ITGA5: variants seen among roughly 807,000 people sequenced by gnomAD.
ITGA5 encodes integrin subunit alpha 5.
Under a neutral mutation model 146.3 loss-of-function variants are expected in ITGA5, and 55 were observed. The observed-to-expected ratio is 0.38, with a 90% confidence interval of 0.30 to 0.47. ITGA5 has a LOEUF of 0.47. Ranked by LOEUF, ITGA5 falls within the 20% of genes least tolerant of loss-of-function variation. ITGA5 has a pLI of 0.99. For synonymous variants in ITGA5, 500 were observed against 531.8 expected, an observed-to-expected ratio of 0.94 and a Z score of 0.82; for missense variants, 1,131 against 1,329.0, an observed-to-expected ratio of 0.85 and a Z score of 2.32.
chr12:54,398,894 C>T, intron 27 of ITGA5, 196 bp from the exon 28 acceptor site: 1 of 473,134 alleles, frequency 2.1e-6, no homozygotes, highest in Non-Finnish European at 3.6e-6. Context: ...GGCTGGAGTG[C>T]AGTGGTGTGG....
At position 54,398,046 on chromosome 12, in the gene ITGA5, C is replaced by T. The variant is rs191926059; in HGVS notation, c.2943+551G>A. 2.9e-3 allele frequency among the ~76,000 whole-genome samples: 441 copies of T among 152,054 alleles called. 4 individuals carry two copies. Among genetic ancestry groups the T allele is most frequent in the Non-Finnish European group, 5.1e-3 (349 of 67,968 alleles). ...CCGAGTAGCTGGGACCACAGATATGCGCCACCACATCTGGCTAATTTTTGT... is the reference window on the plus strand; with the variant it reads ...CCGAGTAGCTGGGACCACAGATATGTGCCACCACATCTGGCTAATTTTTGT... On this transcript the variant is annotated intron_variant, in intron 28 of 29. Coordinates refer to ENST00000293379, the MANE Select transcript of ITGA5 (RefSeq NM_002205.5).
chr12:54,402,009 C>T lies in ITGA5; in HGVS notation c.2218G>A (p.Gly740Arg), dbSNP rs765249062. ...VCDLGNPMKA[G>R]ASLWGGLRFT... The stretch of plus-strand genomic sequence containing the variant: ...TTTCATCCCAAACTTACACTGGCTC[C>T]TGCCTTCATGGGGTTGCCCAGGTCA... Residue 740 changes from glycine to arginine, a missense_variant, in exon 21 of 30, where the codon GGA becomes AGA. By Grantham distance (125) the Gly-to-Arg change is moderately radical (BLOSUM62 -2). Coordinates refer to ENST00000293379, the MANE Select transcript of ITGA5 (RefSeq NM_002205.5). 1.7e-5 allele frequency: 28 copies of T among 1,614,058 alleles called. No homozygotes were observed. The highest frequency in any genetic ancestry group is 5.0e-5 in the Admixed American group (3 of 60,002).
intron 27 of ITGA5, 127 bp downstream of exon 27, chr12:54,399,518 G>A (rs989430271): frequency 2.6e-5 from 18 of 696,562 alleles, no homozygotes; most frequent in Non-Finnish European, 4.4e-5. Flanking sequence ...ACAAGGGCAA[G>A]GAAGGGGAGC....
chr12:54,397,222 T>G (rs1592282512), intron 29 of ITGA5, 143 bp downstream of exon 29: 1 of 785,558 alleles, frequency 1.3e-6, no homozygotes, highest in Non-Finnish European at 2.1e-6. Flanking sequence ...ATAGGAAGGG[T>G]TAGGATGGGA....
rs1013290694 is a variant in ITGA5 at position 54,419,157 on chromosome 12, C to A, written c.42G>T (p.Gln14His). The change falls in exon 1 of 30, where the codon CAG (glutamine) becomes CAT (histidine). Residue 14 changes from glutamine (Q) to histidine (H), a missense_variant. Gln to His is a conservative substitution (Grantham distance 24). Transcript: ENST00000293379. ...GTCGGCGCCGGGGGCCCCAGCGCAG[C>A]TGCACGGCGTGGAGAGGGGACTCTG... ...RTPESPLHAV[Q>H]LRWGPRRRPP... is the part of the protein sequence containing the mutation. 7 of 1,586,832 alleles carry A rather than the reference C, an allele frequency of 4.4e-6. No individual in the cohort carries two copies. Among genetic ancestry groups the A allele is most frequent in the South Asian group, 1.1e-5 (1 of 88,936 alleles).
Position 54,401,529 on chromosome 12 carries a change from C to A in ITGA5, c.2388-51G>T. ...GGGTGGAAGGAACCCCATATGCATC[C>A]TTCCCTAGAAGTCTGTGTCCCCTCT... On this transcript the variant is annotated intron_variant, in intron 23 of 29. Coordinates refer to ENST00000293379, the MANE Select transcript of ITGA5 (RefSeq NM_002205.5). This position sits in a 1 kb window ranked among gnomAD's most constrained non-coding sequence, Gnocchi z 5.0. 1 of 1,599,990 alleles carries A rather than the reference C, an allele frequency of 6.3e-7. No individual in the cohort carries two copies. Among genetic ancestry groups the A allele is most frequent in the Non-Finnish European group, 8.5e-7 (1 of 1,169,634 alleles).
At position 54,401,304 on chromosome 12, in the gene ITGA5, G is replaced by A; in HGVS notation, c.2493+69C>T. 2 of 1,158,528 alleles carry A rather than the reference G, an allele frequency of 1.7e-6. No individual in the cohort carries two copies. The highest frequency in any genetic ancestry group is 4.7e-5 in the East Asian group (2 of 42,628). The allele number at this position is 1,158,528 out of a possible 1,614,324, so 71.8% of individuals were successfully genotyped here. A position where few individuals can be genotyped will look rare whatever the true frequency, so the allele number is the denominator to read the frequency against. On this transcript the variant is annotated intron_variant, in intron 24 of 29. Coordinates refer to ENST00000293379, the MANE Select transcript of ITGA5 (RefSeq NM_002205.5). This position sits in a 1 kb window ranked among gnomAD's most constrained non-coding sequence, Gnocchi z 5.0. ...CTCTCAGTCCCTCACATGGGTTCCA[G>A]CCATCTGTCACTCATATTAGCTCCT...
chr12:54,418,437 G>A (rs1429484256), intron 1 of ITGA5, among the ~76,000 whole-genome samples: 1 of 152,024 alleles, frequency 6.6e-6, no homozygotes, highest in Non-Finnish European at 1.5e-5. Flanking sequence ...TGAGGGGGGA[G>A]GGGAGGATGA....
chr12:54,407,403 G>A (rs899782544), intron 9 of ITGA5: 2 of 544,336 alleles, frequency 3.7e-6, no homozygotes, highest in Non-Finnish European at 6.6e-6. Flanking sequence ...CCAGAGCCTC[G>A]TGAGGTCAGA....
In ITGA5 at chr12:54,409,743, G is replaced by A. The variant is rs1348954749; in HGVS notation, c.350-146C>T. ...GCTGGGAGTGTGGAATTGGTAAGGA[G>A]CTTAATTCTGCTTTGTGTAGTCTGT... On this transcript the variant is annotated intron_variant, in intron 2 of 29. Coordinates refer to ENST00000293379, the MANE Select transcript of ITGA5 (RefSeq NM_002205.5). This position sits in a 1 kb window ranked among gnomAD's most constrained non-coding sequence, Gnocchi z 4.7. The A allele has an allele frequency of 3.3e-6, 2 of 603,074 alleles. No homozygotes were observed. Among genetic ancestry groups the A allele is most frequent in the Non-Finnish European group, 5.9e-6 (2 of 339,438 alleles). The allele number at this position is 603,074 out of a possible 1,614,324, so 37.4% of individuals were successfully genotyped here.
At chr12:54,418,834 A>G (rs1012820672) in intron 1 of ITGA5, 147 bp downstream of exon 1, 9 of 990,226 alleles carry the variant, frequency 9.1e-6, no homozygotes, top group Admixed American at 3.0e-5. Context: ...CGGGCCCCCA[A>G]CTCTAGCCAG....
chr12:54,397,213 T>G (rs116302623), intron 29 of ITGA5, 152 bp downstream of exon 29: 3 of 682,936 alleles, frequency 4.4e-6, no homozygotes, highest in East Asian at 2.8e-5. Context: ...GGGGATCTTA[T>G]AGGAAGGGTT....
At chr12:54,402,914 G>T in intron 19 of ITGA5, 69 bp downstream of exon 19, 1 of 1,274,210 alleles carries the variant, frequency 7.8e-7, no homozygotes. Flanking sequence ...CAGCTAGTAT[G>T]TCCCTAGCTG....
rs1955910692 is a variant in ITGA5, at chr12:54,409,332, G to T, written c.483C>A (p.Ser161Arg). The change falls in exon 4 of 30, where the codon AGC becomes AGA. Residue 161 changes from serine (S) to arginine (R), a missense_variant. This residue lies in a region of ITGA5 where 67 missense variants were observed against 128.2 expected (regional missense o/e 0.52). Coordinates refer to ENST00000293379, the MANE Select transcript of ITGA5 (RefSeq NM_002205.5). This position sits in a 1 kb window ranked among gnomAD's most constrained non-coding sequence, Gnocchi z 4.7. Reference sequence around the variant, plus strand: ...TCAGTGGCTCCTTCTCTGTGCGCCAGCTGTACAGTGGAGCGCATGCCTGGG... The same window carrying T: ...TCAGTGGCTCCTTCTCTGTGCGCCATCTGTACAGTGGAGCGCATGCCTGGG... ...SSILACAPLY[S>R]WRTEKEPLSD... is the part of the protein sequence containing the mutation. The T allele has an allele frequency of 3.7e-6, 6 of 1,613,410 alleles. No individual in the cohort carries two copies. The highest frequency in any genetic ancestry group is 5.1e-6 in the Non-Finnish European group (6 of 1,179,800).
At chr12:54,396,877 G>C (rs1955717181) in intron 29 of ITGA5, among the ~76,000 whole-genome samples, 3 of 152,074 alleles carry the variant, frequency 2.0e-5, no homozygotes, top group Admixed American at 1.3e-4. Context: ...GTAGAGACAA[G>C]GTCCTAGTGT....
At position 54,407,895 on chromosome 12, in the gene ITGA5, G is replaced by A. The variant is rs770136821; in HGVS notation, c.818-19C>T. The stretch of plus-strand genomic sequence containing the variant: ...GAGTATCCTGGGGGACAGGGTGGGT[G>A]GATGTTAGGATTCCTGCTTTGAGGA... On this transcript the variant is annotated intron_variant, in intron 7 of 29. Transcript: ENST00000293379. 2.6e-6 allele frequency: 4 copies of A among 1,563,682 alleles called. No individual in the cohort carries two copies. In the Admixed American group the frequency reaches 7.2e-5, roughly 28 times the overall value.
Position 54,409,834 on chromosome 12 carries a change from G to T in ITGA5, c.350-237C>A. ...TACACACACACACATACATACACAC[G>T]CACGCACACGCACACAGAACCTGGG... On this transcript the variant is annotated intron_variant, in intron 2 of 29. Transcript: ENST00000293379. The surrounding 1 kb of genome is among the most constrained non-coding windows in gnomAD (Gnocchi z 4.7). The T allele has an allele frequency of 2.4e-6, 1 of 414,438 alleles. No individual in the cohort carries two copies. Among genetic ancestry groups the T allele is most frequent in the Middle Eastern group, 6.7e-4 (1 of 1,498 alleles). 25.7% of individuals were successfully genotyped at this position (414,438 alleles called of 1,614,324 possible).
Position 54,395,815 on chromosome 12 carries a change from G to A in ITGA5, c.*478C>T, listed in dbSNP as rs1255913314. 2.4e-5 allele frequency: 4 copies of A among 163,532 alleles called. No individual in the cohort carries two copies. Among genetic ancestry groups the A allele is most frequent in the Non-Finnish European group, 4.0e-5 (3 of 74,610 alleles). The allele number at this position is 163,532 out of a possible 1,614,324, so 10.1% of individuals were successfully genotyped here. ...TTTGTTGGCCCACCAGGGTGGGGCT[G>A]TCCAGAGCTGCCAGGTCTTAACTCC... On this transcript the variant is annotated 3_prime_UTR_variant, in exon 30 of 30. Transcript: ENST00000293379.
At chr12:54,405,998 A>C in intron 9 of ITGA5, 72 bp from the exon 10 acceptor site, 1 of 1,354,308 alleles carries the variant, frequency 7.4e-7, no homozygotes, top group Non-Finnish European at 1.1e-6. Context: ...ACAGATGTGT[A>C]CAGGACACCC....
Sources: allele counts gnomAD v4.1 joint callset (sites outside exome capture counted in the v4.1 genomes callset), GRCh38; gene constraint gnomAD v4.1.1; regional missense constraint gnomAD v4.1.1; non-coding constraint Gnocchi (gnomAD v3.1); transcripts MANE v1.5; gene names NCBI Gene and HGNC (gene_info 2026-07-23, HGNC 2026-07-21).